Variants in ABCG1 observed in about 807,000 individuals in gnomAD.
The protein encoded by ABCG1 is ATP binding cassette subfamily G member 1.
A neutral mutation model predicts 69.2 loss-of-function variants in ABCG1; 29 were observed. That is an observed-to-expected ratio of 0.42 (90% CI 0.31 to 0.57). The LOEUF (loss-of-function observed/expected upper bound fraction) is 0.57, where lower values mean the gene tolerates loss of function less well. Among genes scored for constraint, ABCG1 ranks in the 20% least tolerant of loss-of-function variants. ABCG1 has a pLI of 0.15. For synonymous variants in ABCG1, 370 were observed against 374.8 expected, an observed-to-expected ratio of 0.99 and a Z score of 0.15; for missense variants, 718 against 898.1, an observed-to-expected ratio of 0.80 and a Z score of 2.56.
At position 42,291,346 on chromosome 21, in the gene ABCG1, G is replaced by A. The variant is rs2069054689; in HGVS notation, c.1495-152G>A. 1 of 1,201,802 alleles carries A rather than the reference G, an allele frequency of 8.3e-7. No individual in the cohort carries two copies. Among genetic ancestry groups the A allele is most frequent in the Non-Finnish European group, 1.2e-6 (1 of 852,392 alleles). 74.4% of individuals were successfully genotyped at this position (1,201,802 alleles called of 1,614,324 possible). A position where few individuals can be genotyped will look rare whatever the true frequency, so the allele number is the denominator to read the frequency against. ...TGCGGGGAAGGGCCTGACTTCGGGA[G>A]CTGTGGCGGGAGCTGTGGGGAGTGG... is the stretch of plus-strand genomic sequence containing the variant. On this transcript the variant is annotated intron_variant, in intron 12 of 14. Transcript: ENST00000398449. This position sits in a 1 kb window ranked among gnomAD's most constrained non-coding sequence, Gnocchi z 6.4.
At position 42,271,091 on chromosome 21, in the gene ABCG1, G is replaced by A. The variant is rs2068607966; in HGVS notation, c.308G>A (p.Gly103Glu). The change falls in exon 3 of 15, where the codon GGA (glycine) becomes GAA (glutamate). Residue 103 changes from glycine (G) to glutamate (E), a missense_variant. This residue lies in a region of ABCG1 where 514 missense variants were observed against 574.3 expected (regional missense o/e 0.90). Coordinates refer to ENST00000398449, the MANE Select transcript of ABCG1 (RefSeq NM_016818.3). ...RKKGYKTLLK[G>E]ISGKFNSGEL... ...GCAGGATACAAGACCCTCCTGAAAGGAATTTCCGGGAAGTTCAATAGTGGT... is the reference window on the plus strand; with the variant it reads ...GCAGGATACAAGACCCTCCTGAAAGAAATTTCCGGGAAGTTCAATAGTGGT... 1 of 1,558,254 alleles carries A rather than the reference G, an allele frequency of 6.4e-7. No homozygotes were observed. The highest frequency in any genetic ancestry group is 8.6e-7 in the Non-Finnish European group (1 of 1,156,810).
intron 1 of ABCG1, among the ~76,000 whole-genome samples, chr21:42,201,351 A>G (rs1453297064): frequency 1.3e-5 from 2 of 151,702 alleles, no homozygotes; most frequent in Non-Finnish European, 2.9e-5. Context: ...TAGGGTTTTC[A>G]CTCCTATGAG....
At chr21:42,248,624 A>G (rs2068170465) in intron 2 of ABCG1, among the ~76,000 whole-genome samples, 1 of 152,164 alleles carries the variant, frequency 6.6e-6, no homozygotes, top group South Asian at 2.1e-4. Flanking sequence ...GCGGTGGCTC[A>G]CGCCTGTAAT....
At chr21:42,255,339 A>G (rs1046255696) in intron 2 of ABCG1, among the ~76,000 whole-genome samples, 2 of 152,168 alleles carry the variant, frequency 1.3e-5, no homozygotes, top group East Asian at 3.9e-4. Flanking sequence ...TGCACGCATG[A>G]TTGTGTGTAC....
intron 2 of ABCG1, among the ~76,000 whole-genome samples, chr21:42,249,561 T>G (rs1736308192): frequency 6.6e-6 from 1 of 152,150 alleles, no homozygotes; most frequent in Non-Finnish European, 1.5e-5. Context: ...GAGAATTAAG[T>G]GAGTTAATGT....
In ABCG1 at chr21:42,296,340, T is replaced by A; in HGVS notation, c.1949T>A (p.Leu650His). ...FIVLGIFFIS[L>H]RLIAYFVLRY... ...GTACTCGGGATTTTCTTCATCTCCC[T>A]CCGCCTCATTGCCTATTTTGTCCTC... is the stretch of plus-strand genomic sequence containing the variant. Residue 650 changes from leucine to histidine, a missense_variant, in exon 15 of 15, where the codon CTC (leucine) becomes CAC (histidine). Transcript: ENST00000398449. The surrounding 1 kb of genome is among the most constrained non-coding windows in gnomAD (Gnocchi z 5.4). 6.2e-7 allele frequency: 1 copy of A among 1,614,140 alleles called. No homozygotes were observed. Among genetic ancestry groups the A allele is most frequent in the Non-Finnish European group, 8.5e-7 (1 of 1,180,022 alleles).
chr21:42,219,385 G>T lies in ABCG1; in HGVS notation c.42+81G>T. The T allele has an allele frequency of 6.5e-7, 1 of 1,537,746 alleles. No homozygotes were observed. Among genetic ancestry groups the T allele is most frequent in the Non-Finnish European group, 8.7e-7 (1 of 1,145,502 alleles). ...GAAACACACAAAGACTCGCAAGCTC[G>T]ACCTGACACCCCTCCCAGGAGCGCG... On this transcript the variant is annotated intron_variant, in intron 1 of 14. Coordinates refer to ENST00000398449, the MANE Select transcript of ABCG1 (RefSeq NM_016818.3). The surrounding 1 kb of genome is among the most constrained non-coding windows in gnomAD (Gnocchi z 5.3).
intron 2 of ABCG1, among the ~76,000 whole-genome samples, chr21:42,268,876 G>A (rs938779634): frequency 5.9e-5 from 9 of 152,204 alleles, no homozygotes; most frequent in African/African-American, 2.2e-4. Context: ...GGTCATTGCA[G>A]CCTGTATGTG....
chr21:42,233,360 G>A (rs553140303), intron 2 of ABCG1, among the ~76,000 whole-genome samples: 45 of 152,160 alleles, frequency 3.0e-4, no homozygotes, highest in Non-Finnish European at 4.4e-5. Flanking sequence ...CTCCTGCCCC[G>A]TGGAGGGAGC....
At position 42,276,702 on chromosome 21, in the gene ABCG1, G is replaced by T. The variant is rs2068716853; in HGVS notation, c.538-193G>T. The T allele has an allele frequency of 1.7e-6, 1 of 597,704 alleles. No individual in the cohort carries two copies. Among genetic ancestry groups the T allele is most frequent in the Non-Finnish European group, 3.0e-6 (1 of 338,490 alleles). 37.0% of individuals were successfully genotyped at this position (597,704 alleles called of 1,614,324 possible). A position where few individuals can be genotyped will look rare whatever the true frequency, so the allele number is the denominator to read the frequency against. On this transcript the variant is annotated intron_variant, in intron 4 of 14. Transcript: ENST00000398449. This position sits in a 1 kb window ranked among gnomAD's most constrained non-coding sequence, Gnocchi z 5.3. ...TGTGGATAGCTGCACCGTGACTAGT[G>T]GCACCGTGGCTAGCTGCACCGTGGC...
intron 2 of ABCG1, among the ~76,000 whole-genome samples, 189 bp downstream of exon 2, chr21:42,226,103 G>A (rs529627377): frequency 4.6e-5 from 7 of 152,168 alleles, no homozygotes; most frequent in African/African-American, 1.7e-4. Flanking sequence ...TGAACAGGTT[G>A]GATTTGGTGA....
chr21:42,214,488 C>G (rs879594876), upstream of ABCG1, among the ~76,000 whole-genome samples: 1 of 152,340 alleles, frequency 6.6e-6, no homozygotes, highest in African/African-American at 2.4e-5. Flanking sequence ...CCAACAGGGC[C>G]GGGGCCAGGC....
In ABCG1 at chr21:42,256,662, T is replaced by A. The variant is rs574326224; in HGVS notation, c.287-14408T>A. On this transcript the variant is annotated intron_variant, in intron 2 of 14. Coordinates refer to ENST00000398449, the MANE Select transcript of ABCG1 (RefSeq NM_016818.3). ...GGACAGGGTTCCCACCAGGCAGCCC[T>A]TTCTGCTCCTCCCAGAGACTGATGG... 8.3e-5 allele frequency: 122 copies of A among 1,461,810 alleles called. No individual in the cohort carries two copies. The South Asian group carries it at 1.6e-3, about 20-fold the overall frequency. 90.6% of individuals were successfully genotyped at this position (1,461,810 alleles called of 1,614,324 possible).
Position 42,296,420 on chromosome 21 carries a change from A to ATT in ABCG1, c.*29_*30dup. The ATT allele has an allele frequency of 1.3e-6, 2 of 1,595,168 alleles. No individual in the cohort carries two copies. The highest frequency in any genetic ancestry group is 1.7e-6 in the Non-Finnish European group (2 of 1,167,750). ...CACCTGAATGCCAGGAAACAGGAAG[A>ATT]TTAGACACTGTGGCCGAGGGCACGT... On this transcript the variant is annotated 3_prime_UTR_variant, in exon 15 of 15. Transcript: ENST00000398449. The surrounding 1 kb of genome is among the most constrained non-coding windows in gnomAD (Gnocchi z 5.4).
At chr21:42,272,220 T>C (rs2068629555) in intron 3 of ABCG1, among the ~76,000 whole-genome samples, 1 of 152,142 alleles carries the variant, frequency 6.6e-6, no homozygotes, top group Non-Finnish European at 1.5e-5. Flanking sequence ...CATCTAAAGG[T>C]TGAAGTTGAA....
Position 42,273,449 on chromosome 21 carries a change from T to C in ABCG1, c.537+14T>C, listed in dbSNP as rs368612703. The C allele has an allele frequency of 1.2e-6, 2 of 1,610,628 alleles. No individual in the cohort carries two copies. Among genetic ancestry groups the C allele is most frequent in the Non-Finnish European group, 1.7e-6 (2 of 1,178,062 alleles). Reference sequence around the variant, plus strand: ...GAGGCCATGATGGTGAGCTCCGCCCTGCCCCGCCCCACTCCGCCCCTGCCG... The same window carrying C: ...GAGGCCATGATGGTGAGCTCCGCCCCGCCCCGCCCCACTCCGCCCCTGCCG... On this transcript the variant is annotated intron_variant, in intron 4 of 14. Coordinates refer to ENST00000398449, the MANE Select transcript of ABCG1 (RefSeq NM_016818.3). This position sits in a 1 kb window ranked among gnomAD's most constrained non-coding sequence, Gnocchi z 5.3.
chr21:42,269,428 G>A (rs932409926), intron 2 of ABCG1, among the ~76,000 whole-genome samples: 3 of 152,166 alleles, frequency 2.0e-5, no homozygotes, highest in East Asian at 1.9e-4. Flanking sequence ...CTCCAGCCCC[G>A]CTAATCTGTG....
chr21:42,212,557 C>T (rs1361831001), upstream of ABCG1, among the ~76,000 whole-genome samples: 1 of 152,118 alleles, frequency 6.6e-6, no homozygotes, highest in Admixed American at 6.5e-5. Context: ...TGTTTGTGTC[C>T]TCATGTTCTG....
Position 42,287,998 on chromosome 21 carries a change from C to A in ABCG1, c.1083C>A (p.Ala361=). 6.2e-7 allele frequency: 1 copy of A among 1,613,116 alleles called. No individual in the cohort carries two copies. Among genetic ancestry groups the A allele is most frequent in the South Asian group, 1.1e-5 (1 of 90,964 alleles). ...SDHKRDLGGD[A]EVNPFLWHRP... Reference sequence around the variant, plus strand: ...ACAAGAGAGACCTCGGGGGTGATGCCGAGGTGAACCCTTTTCTTTGGCACC... The same window carrying A: ...ACAAGAGAGACCTCGGGGGTGATGCAGAGGTGAACCCTTTTCTTTGGCACC... The change falls in exon 9 of 15, where the codon GCC becomes GCA. Residue 361 remains alanine (A), a synonymous_variant. Transcript: ENST00000398449. The surrounding 1 kb of genome is among the most constrained non-coding windows in gnomAD (Gnocchi z 6.2).
Sources: gnomAD v4.1 joint callset for allele counts (sites outside exome capture counted in the v4.1 genomes callset) on GRCh38, gnomAD v4.1.1 for gene constraint, gnomAD v4.1.1 regional missense constraint, Gnocchi (gnomAD v3.1) non-coding constraint, MANE v1.5 for transcripts, NCBI Gene and HGNC (gene_info 2026-07-23, HGNC 2026-07-21) for gene names.